The following CSMD1 variants were observed in gnomAD, a reference collection of about 807,000 sequenced individuals.
CSMD1 encodes the protein CUB and Sushi multiple domains 1, also known as CUB and sushi domain-containing protein 1.
In CSMD1, 213 loss-of-function variants were observed where a neutral mutation model predicts 417.5. The observed-to-expected ratio is 0.51, with a 90% CI of 0.46 to 0.57. The LOEUF (loss-of-function observed/expected upper bound fraction) is 0.57, where lower values mean the gene tolerates loss of function less well. Ranked by LOEUF, CSMD1 falls within the 20% of genes least tolerant of loss-of-function variation. The pLI is 0.00. For synonymous variants in CSMD1, 2,862 were observed against 1,736.8 expected (o/e 1.65, Z -16.11); for missense variants, 6,923 against 4,529.7 (o/e 1.53, Z -15.17).
chr8:4,788,010 C>G (rs1196337912), intron 1 of CSMD1: 1 of 1,589,916 alleles, frequency 6.3e-7, no homozygotes, highest in African/African-American at 1.3e-5. Context: ...TTATCGGGAT[C>G]TCAAAGAAGT....
intron 1 of CSMD1, among the ~76,000 whole-genome samples, chr8:4,686,980 G>C (rs770759382): frequency 6.6e-6 from 1 of 152,206 alleles, no homozygotes; most frequent in African/African-American, 2.4e-5. Flanking sequence ...CACACAGGGA[G>C]GTGGCAAGAC....
At chr8:4,954,004 G>A (rs1328266574) in intron 1 of CSMD1, among the ~76,000 whole-genome samples, 1 of 152,058 alleles carries the variant, frequency 6.6e-6, no homozygotes, top group African/African-American at 2.4e-5. Context: ...CAGCAGCAAT[G>A]AAGACGTTAC....
Position 3,398,957 on chromosome 8 carries a change from C to T in CSMD1, c.2405+434G>A, listed in dbSNP as rs563602516. 1.2e-4 allele frequency among the ~76,000 whole-genome samples: 19 copies of T among 152,266 alleles called. No individual in the cohort carries two copies. In the East Asian group the frequency reaches 2.1e-3, roughly 17 times the overall value. ...GATCTGCTGTCCGCACCCCATTGCC[C>T]GCTCAGCATCACTAGCTGCCCTCGA... On this transcript the variant is annotated intron_variant, in intron 16 of 69. Coordinates refer to ENST00000635120, the MANE Select transcript of CSMD1 (RefSeq NM_033225.6).
At chr8:3,649,007 G>A (rs1011904870) in intron 7 of CSMD1, among the ~76,000 whole-genome samples, 3 of 152,190 alleles carry the variant, frequency 2.0e-5, no homozygotes, top group Admixed American at 1.3e-4. Flanking sequence ...CAGCTTTTAA[G>A]GTATGTACTG....
chr8:4,167,760 C>T lies in CSMD1; in HGVS notation c.416-135661G>A, dbSNP rs1005333524. The stretch of plus-strand genomic sequence containing the variant: ...ATTCCAGCACTTTTAGAGACCAAGG[C>T]AGGAGGATTGCTTGAGTTCAGGAGT... On this transcript the variant is annotated intron_variant, in intron 3 of 69. Coordinates refer to ENST00000635120, the MANE Select transcript of CSMD1 (RefSeq NM_033225.6). 3.3e-5 allele frequency among the ~76,000 whole-genome samples: 5 copies of T among 152,122 alleles called. No individual in the cohort carries two copies. The East Asian group carries it at 9.6e-4, about 29-fold the overall frequency.
At chr8:4,708,724 C>A (rs1584976522) in intron 1 of CSMD1, among the ~76,000 whole-genome samples, 1 of 151,892 alleles carries the variant, frequency 6.6e-6, no homozygotes. Context: ...GGAATTGTGA[C>A]CCCCTAAAGA....
chr8:4,373,856 A>G (rs886168259), intron 3 of CSMD1, among the ~76,000 whole-genome samples: 1 of 152,196 alleles, frequency 6.6e-6, no homozygotes, highest in African/African-American at 2.4e-5. Flanking sequence ...ATGTATATGT[A>G]TAATTCTTTC....
chr8:3,486,939 G>A (rs967264379), intron 11 of CSMD1, among the ~76,000 whole-genome samples: 5 of 152,114 alleles, frequency 3.3e-5, no homozygotes, highest in African/African-American at 1.2e-4. Flanking sequence ...TACTAATGAC[G>A]AAGGTTGGGC....
At chr8:4,045,075 T>A (rs76596706) in intron 3 of CSMD1, among the ~76,000 whole-genome samples, 1 of 152,168 alleles carries the variant, frequency 6.6e-6, no homozygotes, top group Admixed American at 6.5e-5. Flanking sequence ...TGAGGTATGG[T>A]GTGGAGGCCA....
intron 2 of CSMD1, among the ~76,000 whole-genome samples, chr8:4,451,902 A>C (rs1799169346): frequency 6.6e-6 from 1 of 150,944 alleles, no homozygotes; most frequent in Non-Finnish European, 1.5e-5. Flanking sequence ...TTCCACACTA[A>C]AATGATACCT....
intron 2 of CSMD1, among the ~76,000 whole-genome samples, chr8:4,467,141 G>GA (rs1013117931): frequency 4.0e-4 from 48 of 119,334 alleles, no homozygotes; most frequent in Admixed American, 2.3e-3. Context: ...AAAAAAAAAA[G>GA]AAAAAAAAAG....
intron 23 of CSMD1, among the ~76,000 whole-genome samples, chr8:3,323,236 A>G (rs1806271487): frequency 6.6e-6 from 1 of 152,218 alleles, no homozygotes. Context: ...ACCTAACACA[A>G]ATGACAAGGG....
chr8:4,479,812 A>T (rs1381836961), intron 2 of CSMD1, among the ~76,000 whole-genome samples: 2 of 151,742 alleles, frequency 1.3e-5, no homozygotes, highest in African/African-American at 4.8e-5. Flanking sequence ...GAAAACACAA[A>T]AATTAGCCAG....
intron 7 of CSMD1, among the ~76,000 whole-genome samples, chr8:3,678,774 G>A (rs1297350020): frequency 6.6e-6 from 1 of 152,158 alleles, no homozygotes; most frequent in Non-Finnish European, 1.5e-5. Context: ...AAAATGTTAA[G>A]TGCAGCCAGA....
intron 26 of CSMD1, among the ~76,000 whole-genome samples, chr8:3,231,055 C>T (rs12216867): frequency 0.28 from 42,504 of 151,902 alleles, 6,363 homozygotes; most frequent in Admixed American, 0.34. Context: ...ACTCTGCCTG[C>T]GCCTAATCAC....
chr8:4,638,509 A>G (rs528827835), intron 1 of CSMD1, among the ~76,000 whole-genome samples: 6 of 152,228 alleles, frequency 3.9e-5, no homozygotes, highest in Non-Finnish European at 7.3e-5. Context: ...CGAGGACTGT[A>G]ACAACATCCT....
intron 3 of CSMD1, among the ~76,000 whole-genome samples, chr8:4,036,724 T>A (rs568690832): frequency 5.3e-5 from 8 of 152,348 alleles, no homozygotes; most frequent in African/African-American, 1.9e-4. Flanking sequence ...CTTTTGCAGA[T>A]GCAGTTGCAG....
chr8:3,639,777 A>G (rs1284576668), intron 7 of CSMD1, among the ~76,000 whole-genome samples: 1 of 152,158 alleles, frequency 6.6e-6, no homozygotes, highest in African/African-American at 2.4e-5. Context: ...ATTCTTCATA[A>G]TCTTCTAACT....
intron 5 of CSMD1, among the ~76,000 whole-genome samples, chr8:3,867,650 T>C (rs997691094): frequency 2.6e-5 from 4 of 152,178 alleles, no homozygotes; most frequent in Non-Finnish European, 5.9e-5. Flanking sequence ...TATCTATGTA[T>C]AGTATCTTGG....
Sources: gnomAD v4.1 joint callset for allele counts (sites outside exome capture counted in the v4.1 genomes callset) on GRCh38, gnomAD v4.1.1 for gene constraint, MANE v1.5 for transcripts, NCBI Gene and HGNC (gene_info 2026-07-23, HGNC 2026-07-21) for gene names.